USP17L7: variants seen among roughly 807,000 people sequenced by gnomAD.
USP17L7 encodes ubiquitin specific peptidase 17 like family member 7, also known as inactive ubiquitin carboxyl-terminal hydrolase 17-like protein 7.
USP17L7 carries 53 observed loss-of-function variants against 37.6 expected under a neutral mutation model. The observed-to-expected ratio is 1.41, with a 90% CI of 1.13 to 1.77. The LOEUF is 1.77. USP17L7 is among the 40% of genes most tolerant of loss of function. The pLI is 0.00. For synonymous variants in USP17L7, 330 were observed against 251.0 expected, an observed-to-expected ratio of 1.31 and a Z score of -2.98; for missense variants, 914 against 645.0, an observed-to-expected ratio of 1.42 and a Z score of -4.52.
rs773880411 is a variant in USP17L7, at chr8:12,133,212, C to A, written c.798G>T (p.Thr266=). 142 of 1,503,178 alleles carry A rather than the reference C, an allele frequency of 9.4e-5. 10 individuals carry two copies. Among genetic ancestry groups the A allele is most frequent in the Middle Eastern group, 4.9e-4 (2 of 4,084 alleles). 93.1% of individuals were successfully genotyped at this position (1,503,178 alleles called of 1,614,324 possible). ...LCLQKAPASK[T]LTLPTSAKVL... is the part of the protein sequence containing the mutation. ...CCTTGGCAGAAGTGGGTAAAGTTAA[C>A]GTCTTGGAGGCAGGCGCCTTCTGGA... Residue 266 remains threonine, a synonymous_variant, in exon 1 of 1, where the codon ACG becomes ACT. Transcript: ENST00000530447.
At position 12,133,746 on chromosome 8, in the gene USP17L7, G is replaced by A. The variant is rs1267462572; in HGVS notation, c.264C>T (p.Thr88=). The change falls in exon 1 of 1, where the codon ACC becomes ACT. Residue 88 remains threonine (T), a synonymous_variant. Transcript: ENST00000530447. ...VGAGLQKIGN[T]FYVNVSLQCL... is the part of the protein sequence containing the mutation. Reference sequence around the variant, plus strand: ...ACTGCAGGGAAACGTTCACATAGAAGGTATTTCCTATCTTCTGGAGCCCAG... The same window carrying A: ...ACTGCAGGGAAACGTTCACATAGAAAGTATTTCCTATCTTCTGGAGCCCAG... 4 of 1,414,172 alleles carry A rather than the reference G, an allele frequency of 2.8e-6. No individual in the cohort carries two copies. The highest frequency in any genetic ancestry group is 1.8e-5 in the Admixed American group (1 of 57,126). 87.6% of individuals were successfully genotyped at this position (1,414,172 alleles called of 1,614,324 possible).
In USP17L7 at chr8:12,132,860, T is replaced by A; in HGVS notation, c.1150A>T (p.Ser384Cys). ...CTTGGTTCCCTGCCTCTTGACACAC[T>A]CTCACTGTGTCTTTCCCATTCACTC... ...QKSEWERHSE[S>C]VSRGREPRAL... is the part of the protein sequence containing the mutation. The change falls in exon 1 of 1, where the codon AGT (serine) becomes TGT (cysteine). Residue 384 changes from serine (S) to cysteine (C), a missense_variant. By Grantham distance (112) the Ser-to-Cys change is moderately radical (BLOSUM62 -1). Coordinates refer to ENST00000530447, the MANE Select transcript of USP17L7 (RefSeq NM_001256869.2). 8 of 1,494,792 alleles carry A rather than the reference T, an allele frequency of 5.4e-6. 3 individuals are homozygous for A. Among genetic ancestry groups the A allele is most frequent in the Middle Eastern group, 1.8e-4 (1 of 5,554 alleles). 92.6% of individuals were successfully genotyped at this position (1,494,792 alleles called of 1,614,324 possible).
Position 12,133,228 on chromosome 8 carries a change from G to T in USP17L7, c.782C>A (p.Ala261Glu), listed in dbSNP as rs563295803. The part of the protein sequence containing the change: ...AYHCGLCLQK[A>E]PASKTLTLPT... The stretch of plus-strand genomic sequence containing the variant: ...TAAAGTTAACGTCTTGGAGGCAGGC[G>T]CCTTCTGGAGACAAAGACCACAATG... Residue 261 changes from alanine to glutamate, a missense_variant, in exon 1 of 1, where the codon GCG (alanine) becomes GAG (glutamate). Physicochemically the swap from Ala to Glu is moderately radical, Grantham distance 107. Coordinates refer to ENST00000530447, the MANE Select transcript of USP17L7 (RefSeq NM_001256869.2). 2 of 1,501,096 alleles carry T rather than the reference G, an allele frequency of 1.3e-6. No individual in the cohort carries two copies. Among genetic ancestry groups the T allele is most frequent in the Admixed American group, 1.7e-5 (1 of 57,288 alleles). 93.0% of individuals were successfully genotyped at this position (1,501,096 alleles called of 1,614,324 possible).
Position 12,133,433 on chromosome 8 carries a change from TG to T in USP17L7, c.576del (p.Ile193SerfsTer49), listed in dbSNP as rs772790579. The part of the protein sequence containing the change: ...QLDHHSKDTT[L>X]IHQIFGAYWR... Reference sequence around the variant, plus strand: ...CAATACGCTCCAAATATTTGGTGGATGAGGGTGGTGTCCTTGGAGTGATGAT... The same window carrying T: ...CAATACGCTCCAAATATTTGGTGGATAGGGTGGTGTCCTTGGAGTGATGAT... On this transcript the variant is annotated frameshift_variant, in exon 1 of 1. Transcript: ENST00000530447. LOFTEE classifies it high-confidence loss of function. 6.9e-7 allele frequency: 1 copy of T among 1,459,342 alleles called. No individual in the cohort carries two copies. Among genetic ancestry groups the T allele is most frequent in the African/African-American group, 1.4e-5 (1 of 70,440 alleles). 90.4% of individuals were successfully genotyped at this position (1,459,342 alleles called of 1,614,324 possible). A position where few individuals can be genotyped will look rare whatever the true frequency, so the allele number is the denominator to read the frequency against.
At position 12,132,756 on chromosome 8, in the gene USP17L7, G is replaced by A. The variant is rs751644125; in HGVS notation, c.1254C>T (p.Pro418=). The change falls in exon 1 of 1, where the codon CCC becomes CCT. Residue 418 remains proline, a synonymous_variant. Coordinates refer to ENST00000530447, the MANE Select transcript of USP17L7 (RefSeq NM_001256869.2). ...TTTCCACCAAGTGCTCGTCCAACTC[G>A]GGTACCTGGAGGCAAGGGTGGTCTC... ...LKRDHPCLQV[P]ELDEHLVERA... is the part of the protein sequence containing the mutation. 32 of 1,529,086 alleles carry A rather than the reference G, an allele frequency of 2.1e-5. 7 individuals are homozygous for A. The African/African-American group carries it at 2.5e-4, about 12-fold the overall frequency. 94.7% of individuals were successfully genotyped at this position (1,529,086 alleles called of 1,614,324 possible).
rs1359848545 is a variant in USP17L7 at position 12,133,195 on chromosome 8, G to A, written c.815C>T (p.Ser272Phe). 2.7e-6 allele frequency: 4 copies of A among 1,507,948 alleles called. 1 individual carries two copies. The highest frequency in any genetic ancestry group is 3.6e-6 in the Non-Finnish European group (4 of 1,108,368). The allele number at this position is 1,507,948 out of a possible 1,614,324, so 93.4% of individuals were successfully genotyped here. A position where few individuals can be genotyped will look rare whatever the true frequency, so the allele number is the denominator to read the frequency against. ...PASKTLTLPT[S>F]AKVLILVLKR... is the part of the protein sequence containing the mutation. ...CAATACAAGAATGAGGACCTTGGCA[G>A]AAGTGGGTAAAGTTAACGTCTTGGA... The change falls in exon 1 of 1, where the codon TCT becomes TTT. Residue 272 changes from serine (S) to phenylalanine (F), a missense_variant. Physicochemically the swap from Ser to Phe is radical, Grantham distance 155. Transcript: ENST00000530447.
chr8:12,133,700 G>T lies in USP17L7; in HGVS notation c.310C>A (p.Leu104Ile). ...SLQCLTYTLP[L>I]SNYMLSREDS... Reference sequence around the variant, plus strand: ...TCCCGGGACAGCATGTAGTTGGAAAGCGGCAGTGTGTATGTCAGGCACTGC... The same window carrying T: ...TCCCGGGACAGCATGTAGTTGGAAATCGGCAGTGTGTATGTCAGGCACTGC... The change falls in exon 1 of 1, where the codon CTT becomes ATT. Residue 104 changes from leucine to isoleucine, a missense_variant. Physicochemically the swap from Leu to Ile is conservative, Grantham distance 5 (BLOSUM62 2). Coordinates refer to ENST00000530447, the MANE Select transcript of USP17L7 (RefSeq NM_001256869.2). The T allele has an allele frequency of 7.8e-7, 1 of 1,284,214 alleles. No individual in the cohort carries two copies. The highest frequency in any genetic ancestry group is 1.1e-6 in the Non-Finnish European group (1 of 904,786). 79.6% of individuals were successfully genotyped at this position (1,284,214 alleles called of 1,614,324 possible).
At position 12,133,381 on chromosome 8, in the gene USP17L7, C is replaced by G. The variant is rs775411714; in HGVS notation, c.629G>C (p.Cys210Ser). 1.7e-5 allele frequency: 25 copies of G among 1,461,884 alleles called. 1 individual carries two copies. In the African/African-American group the frequency reaches 3.3e-4, roughly 19 times the overall value. The allele number at this position is 1,461,884 out of a possible 1,614,324, so 90.6% of individuals were successfully genotyped here. A position where few individuals can be genotyped will look rare whatever the true frequency, so the allele number is the denominator to read the frequency against. ...YWRSQIKYLH[C>S]HGVSDTFDPY... ...GTCAAAGGTGTCTGAAACGCCGTGG[C>G]AGTGGAGATACTTGATTTGAGATCT... Residue 210 changes from cysteine (C) to serine (S), a missense_variant, in exon 1 of 1, where the codon TGC becomes TCC. Transcript: ENST00000530447.
In USP17L7 at chr8:12,133,449, G is replaced by A. The variant is rs376125387; in HGVS notation, c.561C>T (p.Ser187=). Residue 187 remains serine (S), a synonymous_variant, in exon 1 of 1, where the codon TCC becomes TCT. Transcript: ENST00000530447. ...TTTGGTGGATGAGGGTGGTGTCCTT[G>A]GAGTGATGATCTAGCTGCTTGTGCC... ...LPGHKQLDHH[S]KDTTLIHQIF... is the part of the protein sequence containing the mutation. 1.8e-5 allele frequency: 27 copies of A among 1,463,990 alleles called. 1 individual carries two copies. The highest frequency in any genetic ancestry group is 3.5e-5 in the Admixed American group (2 of 57,096). 90.7% of individuals were successfully genotyped at this position (1,463,990 alleles called of 1,614,324 possible).
rs1195160096 is a variant in USP17L7, at chr8:12,133,183, A to C, written c.827T>G (p.Leu276Arg). 1 of 1,511,370 alleles carries C rather than the reference A, an allele frequency of 6.6e-7. No homozygotes were observed. 93.6% of individuals were successfully genotyped at this position (1,511,370 alleles called of 1,614,324 possible). A position where few individuals can be genotyped will look rare whatever the true frequency, so the allele number is the denominator to read the frequency against. The change falls in exon 1 of 1, where the codon CTC becomes CGC. Residue 276 changes from leucine to arginine, a missense_variant. Leu to Arg is a moderately radical substitution (Grantham distance 102). Coordinates refer to ENST00000530447, the MANE Select transcript of USP17L7 (RefSeq NM_001256869.2). ...GGAGAATCTCTTCAATACAAGAATG[A>C]GGACCTTGGCAGAAGTGGGTAAAGT... ...TLTLPTSAKVLILVLKRFSDV... is the reference protein window; with the variant it reads ...TLTLPTSAKVRILVLKRFSDV...
At position 12,133,407 on chromosome 8, in the gene USP17L7, C is replaced by A; in HGVS notation, c.603G>T (p.Trp201Cys). The A allele has an allele frequency of 1.4e-6, 2 of 1,450,590 alleles. No homozygotes were observed. Among genetic ancestry groups the A allele is most frequent in the South Asian group, 2.5e-5 (2 of 78,862 alleles). The allele number at this position is 1,450,590 out of a possible 1,614,324, so 89.9% of individuals were successfully genotyped here. Residue 201 changes from tryptophan to cysteine, a missense_variant, in exon 1 of 1, where the codon TGG (tryptophan) becomes TGT (cysteine). Trp to Cys is a radical substitution (Grantham distance 215). Transcript: ENST00000530447. Reference sequence around the variant, plus strand: ...AGTGGAGATACTTGATTTGAGATCTCCAATACGCTCCAAATATTTGGTGGA... The same window carrying A: ...AGTGGAGATACTTGATTTGAGATCTACAATACGCTCCAAATATTTGGTGGA... ...TLIHQIFGAY[W>C]RSQIKYLHCH...
In USP17L7 at chr8:12,133,993, A is replaced by C. The variant is rs1347116324; in HGVS notation, c.17T>G (p.Leu6Arg). ...GAACTGCCAGTCACCTCCCAAATAG[A>C]GTGAGTCGTCTTCCATGTCGCCCGC... MEDDS[L>R]YLGGDWQFNH... The change falls in exon 1 of 1, where the codon CTC (leucine) becomes CGC (arginine). Residue 6 changes from leucine to arginine, a missense_variant. Physicochemically the swap from Leu to Arg is moderately radical, Grantham distance 102. Transcript: ENST00000530447. 1.8e-6 allele frequency: 2 copies of C among 1,082,244 alleles called. No homozygotes were observed. Among genetic ancestry groups the C allele is most frequent in the Admixed American group, 3.5e-5 (2 of 56,728 alleles). 67.0% of individuals were successfully genotyped at this position (1,082,244 alleles called of 1,614,324 possible).
Position 12,134,093 on chromosome 8 carries a change from A to G in USP17L7, c.-84T>C. 2 of 792,116 alleles carry G rather than the reference A, an allele frequency of 2.5e-6. 1 individual carries two copies. 49.1% of individuals were successfully genotyped at this position (792,116 alleles called of 1,614,324 possible). A position where few individuals can be genotyped will look rare whatever the true frequency, so the allele number is the denominator to read the frequency against. On this transcript the variant is annotated 5_prime_UTR_variant, in exon 1 of 1. Coordinates refer to ENST00000530447, the MANE Select transcript of USP17L7 (RefSeq NM_001256869.2). ...GCTATCTCTTCCGAGAGAGTCTTCAAATGACCAGCTCTCTGGCCGCATCAG... is the reference window on the plus strand; with the variant it reads ...GCTATCTCTTCCGAGAGAGTCTTCAGATGACCAGCTCTCTGGCCGCATCAG...
In USP17L7 at chr8:12,133,324, G is replaced by T. The variant is rs1405544467; in HGVS notation, c.686C>A (p.Ala229Glu). The change falls in exon 1 of 1, where the codon GCA (alanine) becomes GAA (glutamate). Residue 229 changes from alanine to glutamate, a missense_variant. Transcript: ENST00000530447. ...PYLDIALDIQ[A>E]AQSVKQALEQ... is the part of the protein sequence containing the mutation. ...CAAAGCTTGCTTGACACTCTGAGCT[G>T]CCTGGATATCCAGGGCGATGTCCAG... 12 of 1,509,216 alleles carry T rather than the reference G, an allele frequency of 8.0e-6. 1 individual carries two copies. The highest frequency in any genetic ancestry group is 5.2e-5 in the East Asian group (2 of 38,678). 93.5% of individuals were successfully genotyped at this position (1,509,216 alleles called of 1,614,324 possible).
Position 12,133,108 on chromosome 8 carries a change from C to A in USP17L7, c.902G>T (p.Arg301Leu), listed in dbSNP as rs370371800. Residue 301 changes from arginine to leucine, a missense_variant, in exon 1 of 1, where the codon CGT (arginine) becomes CTT (leucine). Arg to Leu is a moderately radical substitution (Grantham distance 102, BLOSUM62 -2). Transcript: ENST00000530447. ...LAKNVQYPKC[R>L]DMQPYMSQQN... is the part of the protein sequence containing the mutation. ...CTGAGACATGTATGGCTGCATGTCACGGCACTTAGGATATTGCACATTCTT... is the reference window on the plus strand; with the variant it reads ...CTGAGACATGTATGGCTGCATGTCAAGGCACTTAGGATATTGCACATTCTT... 244,713 of 1,281,156 alleles carry A rather than the reference C, an allele frequency of 0.19. 35,879 individuals carry two copies. Among genetic ancestry groups the A allele is most frequent in the East Asian group, 0.49 (18,061 of 36,838 alleles). The allele number at this position is 1,281,156 out of a possible 1,614,324, so 79.4% of individuals were successfully genotyped here.
In USP17L7 at chr8:12,133,991, A is replaced by G. The variant is rs756329627; in HGVS notation, c.19T>C (p.Tyr7His). 8 of 1,089,030 alleles carry G rather than the reference A, an allele frequency of 7.3e-6. No individual in the cohort carries two copies. Among genetic ancestry groups the G allele is most frequent in the Admixed American group, 5.3e-5 (3 of 56,744 alleles). The allele number at this position is 1,089,030 out of a possible 1,614,324, so 67.5% of individuals were successfully genotyped here. MEDDSL[Y>H]LGGDWQFNHF... ...TTGAACTGCCAGTCACCTCCCAAAT[A>G]GAGTGAGTCGTCTTCCATGTCGCCC... Residue 7 changes from tyrosine to histidine, a missense_variant, in exon 1 of 1, where the codon TAT becomes CAT. Coordinates refer to ENST00000530447, the MANE Select transcript of USP17L7 (RefSeq NM_001256869.2).
Position 12,132,600 on chromosome 8 carries a change from T to G in USP17L7, c.1410A>C (p.Lys470Asn). The G allele has an allele frequency of 1.3e-6, 2 of 1,531,574 alleles. No individual in the cohort carries two copies. The highest frequency in any genetic ancestry group is 8.9e-7 in the Non-Finnish European group (1 of 1,128,476). 94.9% of individuals were successfully genotyped at this position (1,531,574 alleles called of 1,614,324 possible). A position where few individuals can be genotyped will look rare whatever the true frequency, so the allele number is the denominator to read the frequency against. ...PPNVLVIHQS[K>N]YKCGMKNHHP... ...GATGGTTTTTCATACCACACTTGTATTTTGATTGATGAATCACAAGTACGT... is the reference window on the plus strand; with the variant it reads ...GATGGTTTTTCATACCACACTTGTAGTTTGATTGATGAATCACAAGTACGT... Residue 470 changes from lysine (K) to asparagine (N), a missense_variant, in exon 1 of 1, where the codon AAA becomes AAC. By Grantham distance (94) the Lys-to-Asn change is moderately conservative. Transcript: ENST00000530447.
Position 12,133,363 on chromosome 8 carries a change from G to C in USP17L7, c.647C>G (p.Thr216Ser), listed in dbSNP as rs754290457. 6.8e-7 allele frequency: 1 copy of C among 1,477,874 alleles called. No individual in the cohort carries two copies. The highest frequency in any genetic ancestry group is 9.2e-7 in the Non-Finnish European group (1 of 1,087,384). The allele number at this position is 1,477,874 out of a possible 1,614,324, so 91.5% of individuals were successfully genotyped here. ...GGCGATGTCCAGGTAAGGGTCAAAG[G>C]TGTCTGAAACGCCGTGGCAGTGGAG... Reference protein sequence around the residue: ...KYLHCHGVSDTFDPYLDIALD... With the variant: ...KYLHCHGVSDSFDPYLDIALD... Residue 216 changes from threonine to serine, a missense_variant, in exon 1 of 1, where the codon ACC becomes AGC. Transcript: ENST00000530447.
At position 12,133,427 on chromosome 8, in the gene USP17L7, G is replaced by C. The variant is rs761498415; in HGVS notation, c.583C>G (p.Gln195Glu). Reference protein sequence around the residue: ...HHSKDTTLIHQIFGAYWRSQI... With the variant: ...HHSKDTTLIHEIFGAYWRSQI... The stretch of plus-strand genomic sequence containing the variant: ...GATCTCCAATACGCTCCAAATATTT[G>C]GTGGATGAGGGTGGTGTCCTTGGAG... The change falls in exon 1 of 1, where the codon CAA (glutamine) becomes GAA (glutamate). Residue 195 changes from glutamine to glutamate, a missense_variant. By Grantham distance (29) the Gln-to-Glu change is conservative (BLOSUM62 2). Coordinates refer to ENST00000530447, the MANE Select transcript of USP17L7 (RefSeq NM_001256869.2). The C allele has an allele frequency of 1.0e-5, 15 of 1,454,870 alleles. No individual in the cohort carries two copies. In the African/African-American group the frequency reaches 1.7e-4, roughly 17 times the overall value. 90.1% of individuals were successfully genotyped at this position (1,454,870 alleles called of 1,614,324 possible).
Sources: allele counts gnomAD v4.1 joint callset, GRCh38; gene constraint gnomAD v4.1.1; transcripts MANE v1.5; gene names NCBI Gene and HGNC (gene_info 2026-07-23, HGNC 2026-07-21).